The following TERT variants were observed in gnomAD, a reference collection of about 807,000 sequenced individuals.
TERT encodes the protein telomerase reverse transcriptase.
TERT carries 42 observed loss-of-function variants against 104.0 expected under a neutral mutation model. That is an observed-to-expected ratio of 0.40 (90% confidence interval 0.32 to 0.52). The LOEUF (loss-of-function observed/expected upper bound fraction) is 0.52. Among genes scored for constraint, TERT ranks in the 20% least tolerant of loss-of-function variants. The pLI is 0.43. For missense variants in TERT, 1,101 were observed against 1,610.3 expected (o/e 0.68, Z 5.41); for synonymous variants, 781 against 725.6 (o/e 1.08, Z -1.23).
rs113278730 is a variant in TERT at position 1,280,043 on chromosome 5, T to C, written c.1950+115A>G. On this transcript the variant is annotated intron_variant, in intron 4 of 15. Coordinates refer to ENST00000310581, the MANE Select transcript of TERT (RefSeq NM_198253.3). The stretch of plus-strand genomic sequence containing the variant: ...GCACAAATGGGTTGGCGCCGTGCCA[T>C]GGCCCTGGCTGTGTCCCGTGGCCCC... The C allele has an allele frequency of 8.0e-6, 11 of 1,371,020 alleles. No homozygotes were observed. The South Asian group carries it at 1.2e-4, about 15-fold the overall frequency. 84.9% of individuals were successfully genotyped at this position (1,371,020 alleles called of 1,614,324 possible).
In TERT at chr5:1,294,985, G is replaced by A. The variant is rs1751303315; in HGVS notation, c.5C>T (p.Pro2Leu). Residue 2 changes from proline to leucine, a missense_variant, in exon 1 of 16, where the codon CCG becomes CTG. Pro to Leu is a moderately conservative substitution (Grantham distance 98). Transcript: ENST00000310581. ...CACGGCTCGGCAGCGGGGAGCGCGC[G>A]GCATCGCGGGGGTGGCCGGGGCCAG... is the stretch of plus-strand genomic sequence containing the variant. M[P>L]RAPRCRAVRS... is the part of the protein sequence containing the mutation. 1 of 1,320,526 alleles carries A rather than the reference G, an allele frequency of 7.6e-7. No homozygotes were observed. Among genetic ancestry groups the A allele is most frequent in the Non-Finnish European group, 9.6e-7 (1 of 1,042,994 alleles). The allele number at this position is 1,320,526 out of a possible 1,614,324, so 81.8% of individuals were successfully genotyped here.
At chr5:1,289,141 C>T (rs924782781) in intron 2 of TERT, among the ~76,000 whole-genome samples, 2 of 151,562 alleles carry the variant, frequency 1.3e-5, no homozygotes, top group Non-Finnish European at 2.9e-5. Context: ...CTCACTCACC[C>T]TGCACCTGAG....
In TERT at chr5:1,262,947, G is replaced by A. The variant is rs1453527490; in HGVS notation, c.2843+1457C>T. Among the ~76,000 whole-genome samples, 1 of 152,232 alleles carries A rather than the reference G, an allele frequency of 6.6e-6. No homozygotes were observed. The highest frequency in any genetic ancestry group is 1.5e-5 in the Non-Finnish European group (1 of 68,050). On this transcript the variant is annotated intron_variant, in intron 11 of 15. Transcript: ENST00000310581. The surrounding 1 kb of genome is among the most constrained non-coding windows in gnomAD (Gnocchi z 5.6). ...GAAATGTGGAAATCATGCAGACAAAGCCAGTGGAGGCCAGGACCAGGTAAG... is the reference window on the plus strand; with the variant it reads ...GAAATGTGGAAATCATGCAGACAAAACCAGTGGAGGCCAGGACCAGGTAAG...
At chr5:1,267,220 A>T (rs1188334102) in intron 9 of TERT, among the ~76,000 whole-genome samples, 6 of 152,242 alleles carry the variant, frequency 3.9e-5, no homozygotes, top group African/African-American at 1.2e-4. Flanking sequence ...GTTTCAAAAG[A>T]TGCACAGGAA....
rs1751197491 is a variant in TERT, at chr5:1,294,041, GCTT to G, written c.842_844del (p.Glu281del). ...AGAGAGCGCACCCTCCAAAGAGGTGGCTTCTTCGGCGGGTCTGGCAGGTGACAC... is the reference window on the plus strand; with the variant it reads ...AGAGAGCGCACCCTCCAAAGAGGTGGCTTCGGCGGGTCTGGCAGGTGACAC... On this transcript the variant is annotated inframe_deletion, in exon 2 of 16. Coordinates refer to ENST00000310581, the MANE Select transcript of TERT (RefSeq NM_198253.3). 1 of 1,600,862 alleles carries G rather than the reference GCTT, an allele frequency of 6.2e-7. No individual in the cohort carries two copies. The highest frequency in any genetic ancestry group is 8.5e-7 in the Non-Finnish European group (1 of 1,175,328).
chr5:1,294,049 G>C lies in TERT; in HGVS notation c.837C>G (p.Ala279=), dbSNP rs1448995569. 6.3e-7 allele frequency: 1 copy of C among 1,591,702 alleles called. No homozygotes were observed. ...CACCCTCCAAAGAGGTGGCTTCTTC[G>C]GCGGGTCTGGCAGGTGACACCACAC... ...GFCVVSPARP[A]EEATSLEGAL... The change falls in exon 2 of 16, where the codon GCC becomes GCG. Residue 279 remains alanine (A), a synonymous_variant. Transcript: ENST00000310581.
Position 1,269,788 on chromosome 5 carries a change from ACT to A in TERT, c.2469-1157_2469-1156del, listed in dbSNP as rs1298548534. Among the ~76,000 whole-genome samples, 2 of 151,850 alleles carry A rather than the reference ACT, an allele frequency of 1.3e-5. No individual in the cohort carries two copies. The highest frequency in any genetic ancestry group is 2.4e-5 in the African/African-American group (1 of 41,290). On this transcript the variant is annotated intron_variant, in intron 8 of 15. Transcript: ENST00000310581. The surrounding 1 kb of genome is among the most constrained non-coding windows in gnomAD (Gnocchi z 9.0). The stretch of plus-strand genomic sequence containing the variant: ...CCCCTGTGAGCACATGGGATGGGAA[ACT>A]CTCTCTGTTCTTAGTTTTTGGGGCA...
At chr5:1,260,649 G>C in intron 11 of TERT, 49 bp from the exon 12 acceptor site, 2 of 1,609,134 alleles carry the variant, frequency 1.2e-6, no homozygotes, top group Non-Finnish European at 1.7e-6. Flanking sequence ...CCCACACCCA[G>C]CCCCCTCCTG....
intron 3 of TERT, among the ~76,000 whole-genome samples, chr5:1,281,013 A>C (rs2126646356): frequency 6.6e-6 from 1 of 152,308 alleles, no homozygotes; most frequent in East Asian, 1.9e-4. Context: ...GGCCCAGCAG[A>C]GTAGAAAAGG....
At chr5:1,284,000 C>T (rs1400987107) in intron 2 of TERT, among the ~76,000 whole-genome samples, 5 of 149,710 alleles carry the variant, frequency 3.3e-5, no homozygotes, top group Middle Eastern at 3.5e-3. Context: ...ACAGCACATC[C>T]AGCTCACAGC....
rs34790490 is a variant in TERT at position 1,288,036 on chromosome 5, T to A, written c.1573+5277A>T. Among the ~76,000 whole-genome samples the A allele has an allele frequency of 2.6e-5, 4 of 152,188 alleles. No individual in the cohort carries two copies. The highest frequency in any genetic ancestry group is 2.6e-4 in the Admixed American group (4 of 15,270). ...ACTCTACGTATCTTGATACTCTACA[T>A]ATCTTGAACATAAACAGTGTTCAAA... On this transcript the variant is annotated intron_variant, in intron 2 of 15. Coordinates refer to ENST00000310581, the MANE Select transcript of TERT (RefSeq NM_198253.3). This position sits in a 1 kb window ranked among gnomAD's most constrained non-coding sequence, Gnocchi z 5.3.
rs1278702552 is a variant in TERT at position 1,263,996 on chromosome 5, G to A, written c.2843+408C>T. 5.9e-5 allele frequency among the ~76,000 whole-genome samples: 9 copies of A among 152,110 alleles called. No homozygotes were observed. The highest frequency in any genetic ancestry group is 9.7e-5 in the African/African-American group (4 of 41,394). Reference sequence around the variant, plus strand: ...AAAGGGCCCTGAAGTCTCTGGGTTCGGAGAGACTCACGCCCAGCAGGGCCC... The same window carrying A: ...AAAGGGCCCTGAAGTCTCTGGGTTCAGAGAGACTCACGCCCAGCAGGGCCC... On this transcript the variant is annotated intron_variant, in intron 11 of 15. Coordinates refer to ENST00000310581, the MANE Select transcript of TERT (RefSeq NM_198253.3). The surrounding 1 kb of genome is among the most constrained non-coding windows in gnomAD (Gnocchi z 5.3).
intron 2 of TERT, among the ~76,000 whole-genome samples, chr5:1,291,216 A>AT (rs1750915453): frequency 1.5e-5 from 1 of 67,418 alleles, no homozygotes; most frequent in Non-Finnish European, 2.8e-5. Flanking sequence ...TGACAGGGAC[A>AT]CCTGGGGCCG....
In TERT at chr5:1,258,676, AGAGT is replaced by A; in HGVS notation, c.2971-21_2971-18del. The A allele has an allele frequency of 6.4e-7, 1 of 1,559,454 alleles. No individual in the cohort carries two copies. The stretch of plus-strand genomic sequence containing the variant: ...GCTGTTCACCTAGAGTCGCCAAGAA[AGAGT>A]GAGAAACGGTAGAAACCTCTCTGGG... On this transcript the variant is annotated intron_variant, in intron 12 of 15. Coordinates refer to ENST00000310581, the MANE Select transcript of TERT (RefSeq NM_198253.3).
At chr5:1,258,826 C>T (rs1747947427) in intron 12 of TERT, among the ~76,000 whole-genome samples, 167 bp from the exon 13 acceptor site, 1 of 152,364 alleles carries the variant, frequency 6.6e-6, no homozygotes, top group South Asian at 2.1e-4. Context: ...CCGGCAGCTG[C>T]GAACCACCCT....
In TERT at chr5:1,293,949, G is replaced by T; in HGVS notation, c.937C>A (p.Pro313Thr). Residue 313 changes from proline (P) to threonine (T), a missense_variant, in exon 2 of 16, where the codon CCA (proline) becomes ACA (threonine). This residue lies in a region of TERT where 504 missense variants were observed against 544.6 expected (regional missense o/e 0.93). Coordinates refer to ENST00000310581, the MANE Select transcript of TERT (RefSeq NM_198253.3). ...CAAGGCGTGTCCCAGGGACGTGGTG[G>T]CCGCGATGTGGATGGGGGGCCCGCG... ...HHAGPPSTSR[P>T]PRPWDTPCPP... is the part of the protein sequence containing the mutation. 1 of 1,548,078 alleles carries T rather than the reference G, an allele frequency of 6.5e-7. No individual in the cohort carries two copies.
Position 1,266,105 on chromosome 5 carries a change from C to T in TERT, c.2654+359G>A, listed in dbSNP as rs1008022291. 3.3e-5 allele frequency among the ~76,000 whole-genome samples: 5 copies of T among 150,768 alleles called. No individual in the cohort carries two copies. The East Asian group carries it at 6.1e-4, about 18-fold the overall frequency. On this transcript the variant is annotated intron_variant, in intron 10 of 15. Transcript: ENST00000310581. ...CACCCTGGGGAGGAGGCTGCCGCCTCGGCCCTGCAGGCCCTGTGCACAGCT... is the reference window on the plus strand; with the variant it reads ...CACCCTGGGGAGGAGGCTGCCGCCTTGGCCCTGCAGGCCCTGTGCACAGCT...
Position 1,286,711 on chromosome 5 carries a change from C to T in TERT, c.1574-4087G>A, listed in dbSNP as rs568882066. 6.6e-6 allele frequency among the ~76,000 whole-genome samples: 1 copy of T among 152,064 alleles called. No homozygotes were observed. The highest frequency in any genetic ancestry group is 2.4e-5 in the African/African-American group (1 of 41,396). On this transcript the variant is annotated intron_variant, in intron 2 of 15. Coordinates refer to ENST00000310581, the MANE Select transcript of TERT (RefSeq NM_198253.3). The surrounding 1 kb of genome is among the most constrained non-coding windows in gnomAD (Gnocchi z 5.3). ...TGGCCAACATGGTGAAAGCCTATCTCTACTAAAAATACAAAAATTAGCCAG... is the reference window on the plus strand; with the variant it reads ...TGGCCAACATGGTGAAAGCCTATCTTTACTAAAAATACAAAAATTAGCCAG...
At position 1,288,648 on chromosome 5, in the gene TERT, G is replaced by A. The variant is rs1354921314; in HGVS notation, c.1573+4665C>T. On this transcript the variant is annotated intron_variant, in intron 2 of 15. Coordinates refer to ENST00000310581, the MANE Select transcript of TERT (RefSeq NM_198253.3). The surrounding 1 kb of genome is among the most constrained non-coding windows in gnomAD (Gnocchi z 5.3). ...GCTTGGGAGAAAACAGGACAAGTGA[G>A]GGGGCTGGGGTGACTTGCTTTCCTT... Among the ~76,000 whole-genome samples the A allele has an allele frequency of 6.6e-6, 1 of 152,136 alleles. No individual in the cohort carries two copies. The highest frequency in any genetic ancestry group is 1.5e-5 in the Non-Finnish European group (1 of 68,028).
Sources: allele counts gnomAD v4.1 joint callset (sites outside exome capture counted in the v4.1 genomes callset), GRCh38; gene constraint gnomAD v4.1.1; regional missense constraint gnomAD v4.1.1; non-coding constraint Gnocchi (gnomAD v3.1); transcripts MANE v1.5; gene names NCBI Gene and HGNC (gene_info 2026-07-23, HGNC 2026-07-21).